GEMIN6: variants seen among roughly 807,000 people sequenced by gnomAD.
GEMIN6 encodes the protein gem-associated protein 6.
GEMIN6 carries 13 observed loss-of-function variants against 14.1 expected under a neutral mutation model. The ratio of observed to expected loss-of-function variants is 0.92; its 90% CI spans 0.60 to 1.46. The LOEUF is 1.46. Among genes scored for constraint, GEMIN6 ranks in the 40% most tolerant of loss-of-function variants. The pLI is 0.00. For synonymous variants in GEMIN6, 87 were observed against 70.0 expected (o/e 1.24, Z -1.21); for missense variants, 271 against 202.4 (o/e 1.34, Z -2.06).
At position 38,784,688 on chromosome 2, in the gene GEMIN6, T is replaced by A. The variant is rs931353345; in HGVS notation, c.*2796T>A. ...ACTGTTTCCTGGCAACTGAGTCCTC[T>A]GATTGTGTAAACAATTTGCCTGCAA... On this transcript the variant is annotated 3_prime_UTR_variant, in exon 3 of 3. Coordinates refer to ENST00000281950, the MANE Select transcript of GEMIN6 (RefSeq NM_024775.10). The A allele has an allele frequency of 1.3e-5, 2 of 152,204 alleles. No individual in the cohort carries two copies. The highest frequency in any genetic ancestry group is 4.8e-5 in the African/African-American group (2 of 41,450). The allele number at this position is 152,204 out of a possible 1,614,324, so 9.4% of individuals were successfully genotyped here.
chr2:38,779,334 G>A (rs535358772), intron 2 of GEMIN6: 8 of 490,736 alleles, frequency 1.6e-5, no homozygotes, highest in African/African-American at 1.0e-4. Context: ...AGGTTCAAGC[G>A]ATTCTCCTGC....
chr2:38,783,159 C>T lies in GEMIN6; in HGVS notation c.*1267C>T, dbSNP rs904904230. 13 of 155,622 alleles carry T rather than the reference C, an allele frequency of 8.4e-5. No homozygotes were observed. Among genetic ancestry groups the T allele is most frequent in the Admixed American group, 1.3e-4 (2 of 15,312 alleles). The allele number at this position is 155,622 out of a possible 1,614,324, so 9.6% of individuals were successfully genotyped here. On this transcript the variant is annotated 3_prime_UTR_variant, in exon 3 of 3. Coordinates refer to ENST00000281950, the MANE Select transcript of GEMIN6 (RefSeq NM_024775.10). The stretch of plus-strand genomic sequence containing the variant: ...TTCTGGGATTACAGGTGTGAGCCAC[C>T]GTGCCCGGCTGTTTTTTGTGGGTTT...
intron 2 of GEMIN6, among the ~76,000 whole-genome samples, chr2:38,779,691 T>TTC (rs1669038539): frequency 8.5e-6 from 1 of 117,146 alleles, no homozygotes; most frequent in African/African-American, 3.3e-5. Flanking sequence ...TTTTTTTTTT[T>TTC]CGGGGGTGGG....
chr2:38,784,052 G>C lies in GEMIN6; in HGVS notation c.*2160G>C, dbSNP rs977817876. 6.6e-6 allele frequency: 1 copy of C among 152,164 alleles called. No homozygotes were observed. Among genetic ancestry groups the C allele is most frequent in the Non-Finnish European group, 1.5e-5 (1 of 68,028 alleles). 9.4% of individuals were successfully genotyped at this position (152,164 alleles called of 1,614,324 possible). On this transcript the variant is annotated 3_prime_UTR_variant, in exon 3 of 3. Coordinates refer to ENST00000281950, the MANE Select transcript of GEMIN6 (RefSeq NM_024775.10). ...CAGAAGCAGTTCAGAAACTTCAGGG[G>C]AACAGAAAGTTCCTCCCTCACGGCT...
Position 38,781,835 on chromosome 2 carries a change from G to A in GEMIN6, c.447G>A (p.Glu149=), listed in dbSNP as rs1282730957. ...YGPENCSSSN[E]IILSRVQDLI... ...CAGAAAATTGCAGCAGCTCTAATGA[G>A]ATTATTCTGTCGCGTGTTCAGGATC... The change falls in exon 3 of 3, where the codon GAG becomes GAA. Residue 149 remains glutamate, a synonymous_variant. Transcript: ENST00000281950. 2 of 1,613,928 alleles carry A rather than the reference G, an allele frequency of 1.2e-6. No homozygotes were observed.
chr2:38,781,402 T>C, intron 2 of GEMIN6, 115 bp from the exon 3 acceptor site: 1 of 1,089,412 alleles, frequency 9.2e-7, no homozygotes, highest in Non-Finnish European at 1.3e-6. Context: ...GTTTGTTGAA[T>C]AAATGGAAGC....
rs1331300098 is a variant in GEMIN6 at position 38,781,714 on chromosome 2, G to T, written c.326G>T (p.Trp109Leu). Residue 109 changes from tryptophan to leucine, a missense_variant, in exon 3 of 3, where the codon TGG becomes TTG. By Grantham distance (61) the Trp-to-Leu change is moderately conservative (BLOSUM62 -2). Coordinates refer to ENST00000281950, the MANE Select transcript of GEMIN6 (RefSeq NM_024775.10). ...LEERKNSLKK[W>L]LEKNHIPITE... ...GAGAGAAAGAACAGCCTAAAGAAAT[G>T]GCTTGAGAAGAACCACATCCCCATC... The T allele has an allele frequency of 1.9e-6, 3 of 1,614,190 alleles. No individual in the cohort carries two copies. In the Admixed American group the frequency reaches 5.0e-5, roughly 27 times the overall value.
chr2:38,784,219 G>C lies in GEMIN6; in HGVS notation c.*2327G>C. The C allele has an allele frequency of 6.6e-6, 1 of 152,260 alleles. No individual in the cohort carries two copies. The highest frequency in any genetic ancestry group is 1.5e-5 in the Non-Finnish European group (1 of 68,146). 9.4% of individuals were successfully genotyped at this position (152,260 alleles called of 1,614,324 possible). On this transcript the variant is annotated 3_prime_UTR_variant, in exon 3 of 3. Coordinates refer to ENST00000281950, the MANE Select transcript of GEMIN6 (RefSeq NM_024775.10). ...AACAGACTGAAGTCAGCAAGGAAAT[G>C]ACTGACAAGATGAGGGAGGCCTTTG...
chr2:38,778,982 G>C lies in GEMIN6; in HGVS notation c.-9G>C. 6.2e-7 allele frequency: 1 copy of C among 1,607,218 alleles called. No individual in the cohort carries two copies. Among genetic ancestry groups the C allele is most frequent in the Non-Finnish European group, 8.5e-7 (1 of 1,177,286 alleles). Reference sequence around the variant, plus strand: ...TGGTGGTTGTTTCAGATTTAGCCAGGTGGCAATCATGAGTGAATGGATGAA... The same window carrying C: ...TGGTGGTTGTTTCAGATTTAGCCAGCTGGCAATCATGAGTGAATGGATGAA... On this transcript the variant is annotated 5_prime_UTR_variant, in exon 2 of 3. Transcript: ENST00000281950.
chr2:38,781,485 A>G (rs781752059), intron 2 of GEMIN6, 32 bp from the exon 3 acceptor site: 12 of 1,565,616 alleles, frequency 7.7e-6, no homozygotes, highest in Non-Finnish European at 8.6e-6. Context: ...ACTTGGGTTG[A>G]TGATGCCTCT....
intron 2 of GEMIN6, among the ~76,000 whole-genome samples, chr2:38,779,662 ATAT>A (rs1669036240): frequency 3.7e-5 from 1 of 26,750 alleles, no homozygotes; most frequent in African/African-American, 1.3e-4. Context: ...ATATATATAT[ATAT>A]TTTTTTTTTT....
rs1398721017 is a variant in GEMIN6, at chr2:38,779,132, C to G, written c.128+14C>G. Reference sequence around the variant, plus strand: ...AGTCTCTGCCAAGTGAGTATGCATCCTACTTGCCTGAAATCTTGACACCCC... The same window carrying G: ...AGTCTCTGCCAAGTGAGTATGCATCGTACTTGCCTGAAATCTTGACACCCC... On this transcript the variant is annotated intron_variant, in intron 2 of 2. Transcript: ENST00000281950. 6 of 1,603,532 alleles carry G rather than the reference C, an allele frequency of 3.7e-6. No individual in the cohort carries two copies. Among genetic ancestry groups the G allele is most frequent in the Non-Finnish European group, 4.3e-6 (5 of 1,175,212 alleles).
intron 2 of GEMIN6, chr2:38,779,329 C>G (rs767375442): frequency 2.0e-6 from 1 of 507,084 alleles, no homozygotes; most frequent in Non-Finnish European, 3.6e-6. Flanking sequence ...CTCGCAGGTT[C>G]AAGCGATTCT....
At position 38,779,195 on chromosome 2, in the gene GEMIN6, C is replaced by T. The variant is rs1669019827; in HGVS notation, c.128+77C>T. 1.0e-5 allele frequency: 14 copies of T among 1,368,182 alleles called. No homozygotes were observed. In the South Asian group the frequency reaches 1.9e-4, roughly 19 times the overall value. 84.8% of individuals were successfully genotyped at this position (1,368,182 alleles called of 1,614,324 possible). On this transcript the variant is annotated intron_variant, in intron 2 of 2. Transcript: ENST00000281950. ...GTATGTTATAGACAAACTAAGAAAG[C>T]AGATAAATGAAAAGCTAATTATTAA...
chr2:38,779,235 A>C, intron 2 of GEMIN6, 117 bp downstream of exon 2: 1 of 1,162,356 alleles, frequency 8.6e-7, no homozygotes, highest in Non-Finnish European at 1.2e-6. Flanking sequence ...TTCATATAAG[A>C]ATTTTTTGTT....
chr2:38,779,071 G>A lies in GEMIN6; in HGVS notation c.81G>A (p.Lys27=). 6.2e-7 allele frequency: 1 copy of A among 1,613,956 alleles called. No individual in the cohort carries two copies. Among genetic ancestry groups the A allele is most frequent in the Non-Finnish European group, 8.5e-7 (1 of 1,179,902 alleles). Reference sequence around the variant, plus strand: ...AGGTCCGAGTGACAGCCAGTGAGAAGAATGAGTATAAAGGATGGGTTTTAA... The same window carrying A: ...AGGTCCGAGTGACAGCCAGTGAGAAAAATGAGTATAAAGGATGGGTTTTAA... ...YKEVRVTASE[K]NEYKGWVLTT... The change falls in exon 2 of 3, where the codon AAG becomes AAA. Residue 27 remains lysine (K), a synonymous_variant. Coordinates refer to ENST00000281950, the MANE Select transcript of GEMIN6 (RefSeq NM_024775.10).
rs1320058033 is a variant in GEMIN6, at chr2:38,781,620, G to C, written c.232G>C (p.Val78Leu). ...AACTATGAATGAAGGGGACCATAGA[G>C]TGAGGGAGAAGCTGATGCATTTGTT... ...VETMNEGDHR[V>L]REKLMHLFTS... The change falls in exon 3 of 3, where the codon GTG (valine) becomes CTG (leucine). Residue 78 changes from valine to leucine, a missense_variant. Transcript: ENST00000281950. 6.2e-7 allele frequency: 1 copy of C among 1,614,134 alleles called. No homozygotes were observed. Among genetic ancestry groups the C allele is most frequent in the Admixed American group, 1.7e-5 (1 of 60,000 alleles).
intron 2 of GEMIN6, 137 bp downstream of exon 2, chr2:38,779,255 CAG>C: frequency 1.1e-6 from 1 of 896,644 alleles, no homozygotes; most frequent in South Asian, 1.6e-5. Context: ...TTGTTTGAGA[CAG>C]GGTTCTACTG....
intron 2 of GEMIN6, among the ~76,000 whole-genome samples, chr2:38,779,961 GC>G (rs1431996777): frequency 6.6e-6 from 1 of 150,792 alleles, no homozygotes; most frequent in African/African-American, 2.4e-5. Context: ...AGGATCATAG[GC>G]TTGAGCCACC....
Sources: allele counts gnomAD v4.1 joint callset (sites outside exome capture counted in the v4.1 genomes callset), GRCh38; gene constraint gnomAD v4.1.1; transcripts MANE v1.5; gene names NCBI Gene and HGNC (gene_info 2026-07-23, HGNC 2026-07-21).